The following FOXP2 variants were observed in gnomAD, a reference collection of about 807,000 sequenced individuals.
The protein encoded by FOXP2 is forkhead box protein P2.
FOXP2 carries 12 observed loss-of-function variants against 115.8 expected under a neutral mutation model. That is an observed-to-expected ratio of 0.10 (90% CI 0.07 to 0.17). The LOEUF is 0.17. FOXP2 is among the 10% of genes least tolerant of loss of function. The pLI, the probability that FOXP2 is intolerant of heterozygous loss-of-function variation, is 1.00. For missense variants in FOXP2, 629 were observed against 843.5 expected, an observed-to-expected ratio of 0.75 and a Z score of 3.15; for synonymous variants, 328 against 297.7, an observed-to-expected ratio of 1.10 and a Z score of -1.05.
At chr7:114,249,785 TTTTTTTTG>T (rs1047901331) in intron 1 of FOXP2, among the ~76,000 whole-genome samples, 36 of 151,890 alleles carry the variant, frequency 2.4e-4, no homozygotes, top group African/African-American at 8.7e-4. Flanking sequence ...AGGTCTTTGT[TTTTTTTTG>T]TTTTTTTGTT....
intron 1 of FOXP2, among the ~76,000 whole-genome samples, chr7:114,166,737 T>C (rs948898841): frequency 6.6e-6 from 1 of 151,912 alleles, no homozygotes; most frequent in African/African-American, 2.4e-5. Context: ...TAAGAAAACA[T>C]GTAACTCAAT....
At chr7:114,261,403 T>A (rs2129171322) in intron 1 of FOXP2, among the ~76,000 whole-genome samples, 1 of 152,338 alleles carries the variant, frequency 6.6e-6, no homozygotes, top group South Asian at 2.1e-4. Flanking sequence ...TTATGTTACC[T>A]CTGCACTCCT....
intron 3 of FOXP2, among the ~76,000 whole-genome samples, chr7:114,548,128 C>T (rs1362322065): frequency 1.3e-5 from 2 of 152,170 alleles, no homozygotes; most frequent in African/African-American, 4.8e-5. Context: ...GATAACTCTC[C>T]TTCCTCCAAG....
intron 2 of FOXP2, among the ~76,000 whole-genome samples, chr7:114,518,084 A>G (rs1196739651): frequency 6.6e-5 from 10 of 152,286 alleles, no homozygotes; most frequent in Non-Finnish European, 2.9e-5. Context: ...GGTGACTATT[A>G]TAAACAAATA....
intron 1 of FOXP2, among the ~76,000 whole-genome samples, chr7:114,206,857 G>A (rs1345147576): frequency 6.6e-6 from 1 of 152,128 alleles, no homozygotes; most frequent in Non-Finnish European, 1.5e-5. Context: ...GTATGACTCA[G>A]TGTTATTTTA....
At chr7:114,266,387 C>A (rs1329712112) in intron 1 of FOXP2, among the ~76,000 whole-genome samples, 1 of 152,140 alleles carries the variant, frequency 6.6e-6, no homozygotes, top group Non-Finnish European at 1.5e-5. Flanking sequence ...GCTTATTGTT[C>A]TGCAGACTGT....
chr7:114,456,402 C>G (rs1462554602), intron 2 of FOXP2, among the ~76,000 whole-genome samples: 1 of 152,156 alleles, frequency 6.6e-6, no homozygotes, highest in African/African-American at 2.4e-5. Context: ...GTTTAAAACT[C>G]TACTCTGACC....
At chr7:114,377,519 T>C (rs547131510) in intron 2 of FOXP2, among the ~76,000 whole-genome samples, 62 of 152,342 alleles carry the variant, frequency 4.1e-4, no homozygotes, top group African/African-American at 1.4e-3. Flanking sequence ...TATTTAGCAT[T>C]AGTGCTATTA....
At position 114,365,229 on chromosome 7, in the gene FOXP2, G is replaced by A. The variant is rs1223737984; in HGVS notation, c.-10-61273G>A. ...GTTTGTCATCTCAGACATTTTGTAA[G>A]AGGTGACCTTAGCATAATTGTATAC... On this transcript the variant is annotated intron_variant, in intron 2 of 17. Transcript: ENST00000634411. Among the ~76,000 whole-genome samples the A allele has an allele frequency of 3.9e-5, 6 of 152,216 alleles. No homozygotes were observed. The East Asian group carries it at 1.2e-3, about 29-fold the overall frequency.
rs763380250 is a variant in FOXP2, at chr7:114,690,474, A to T, written c.*548A>T. The T allele has an allele frequency of 8.6e-5, 39 of 453,902 alleles. No individual in the cohort carries two copies. The highest frequency in any genetic ancestry group is 1.4e-4 in the Non-Finnish European group (31 of 226,764). The allele number at this position is 453,902 out of a possible 1,614,324, so 28.1% of individuals were successfully genotyped here. A position where few individuals can be genotyped will look rare whatever the true frequency, so the allele number is the denominator to read the frequency against. ...TATCTAGCTGAATTTTAAACAACAG[A>T]ACATTAGTTTTTTATGTTGGTGCCA... On this transcript the variant is annotated 3_prime_UTR_variant, in exon 17 of 17. Coordinates refer to ENST00000350908, the MANE Select transcript of FOXP2 (RefSeq NM_014491.4).
At chr7:114,274,603 CTTTTTTTTTT>C (rs71157577) in intron 1 of FOXP2, among the ~76,000 whole-genome samples, 160 of 42,568 alleles carry the variant, frequency 3.8e-3, no homozygotes, top group African/African-American at 8.7e-3. Flanking sequence ...CCTCTCAAAG[CTTTTTTTTTT>C]TTTTTTTTTT....
chr7:114,402,620 ATTT>A (rs1404850998), intron 2 of FOXP2, among the ~76,000 whole-genome samples: 1 of 140,170 alleles, frequency 7.1e-6, no homozygotes, highest in African/African-American at 2.6e-5. Flanking sequence ...CATGCAAGCA[ATTT>A]TTTTTTTTTT....
At chr7:114,610,344 A>T (rs1433440952) in intron 3 of FOXP2, among the ~76,000 whole-genome samples, 1 of 152,196 alleles carries the variant, frequency 6.6e-6, no homozygotes, top group Non-Finnish European at 1.5e-5. Context: ...GGTATTTTTC[A>T]TATTAACTTT....
rs543403755 is a variant in FOXP2 at position 114,394,814 on chromosome 7, G to C, written c.-10-31688G>C. Among the ~76,000 whole-genome samples the C allele has an allele frequency of 3.4e-4, 52 of 152,290 alleles. No individual in the cohort carries two copies. The South Asian group carries it at 7.9e-3, about 23-fold the overall frequency. ...CAAAGAAAGACTGAAGGAACTGTTCGAGACTGGAGCTGACTAAAGAGACAT... is the reference window on the plus strand; with the variant it reads ...CAAAGAAAGACTGAAGGAACTGTTCCAGACTGGAGCTGACTAAAGAGACAT... On this transcript the variant is annotated intron_variant, in intron 2 of 17. Coordinates refer to the FOXP2 transcript ENST00000634411.
chr7:114,589,802 C>T (rs915079601), intron 3 of FOXP2, among the ~76,000 whole-genome samples: 6 of 152,114 alleles, frequency 3.9e-5, no homozygotes, highest in Admixed American at 1.3e-4. Flanking sequence ...GAGCTTACTA[C>T]TGGTATTTTA....
At chr7:114,256,225 C>T (rs1484580193) in intron 1 of FOXP2, among the ~76,000 whole-genome samples, 1 of 152,114 alleles carries the variant, frequency 6.6e-6, no homozygotes, top group African/African-American at 2.4e-5. Flanking sequence ...GCCTCAGCCT[C>T]CCGAGTAGCT....
intron 2 of FOXP2, among the ~76,000 whole-genome samples, chr7:114,321,317 G>C (rs955453527): frequency 3.9e-5 from 6 of 151,932 alleles, no homozygotes; most frequent in African/African-American, 1.4e-4. Flanking sequence ...TCCTGCCTCA[G>C]CCTCTCGAGT....
chr7:114,120,736 A>G (rs1396812290), intron 1 of FOXP2, among the ~76,000 whole-genome samples: 4 of 151,636 alleles, frequency 2.6e-5, no homozygotes, highest in Non-Finnish European at 5.9e-5. Flanking sequence ...GTACACATGA[A>G]CCAATTTAGT....
At chr7:114,086,492 C>T (rs1456655792), upstream of FOXP2, 2 of 346,774 alleles carry the variant, frequency 5.8e-6, no homozygotes, top group Admixed American at 3.7e-5. Context: ...TCCCCGGGCG[C>T]GCCCCCCACT....
Sources: allele counts gnomAD v4.1 joint callset (sites outside exome capture counted in the v4.1 genomes callset), GRCh38; gene constraint gnomAD v4.1.1; transcripts MANE v1.5; gene names NCBI Gene and HGNC (gene_info 2026-07-23, HGNC 2026-07-21).